The following RPTN variants were observed in gnomAD, a reference collection of about 807,000 sequenced individuals.
The protein encoded by RPTN is intermediate filament-associated protein.
Under a neutral mutation model 3.6 loss-of-function variants are expected in RPTN, and 4 were observed. The observed-to-expected ratio is 1.12, with a 90% CI of 0.55 to 2.55. RPTN has a LOEUF of 2.55. RPTN is among the 30% of genes most tolerant of loss of function. The probability of loss-of-function intolerance (pLI) is 0.02; values close to 1 mark genes in which losing one functional copy is unlikely to be tolerated. For missense variants in RPTN, 860 were observed against 916.7 expected (o/e 0.94, Z 0.80); for synonymous variants, 293 against 319.3 (o/e 0.92, Z 0.88).
chr1:152,157,440 G>T (rs1373825861), intron 2 of RPTN, among the ~76,000 whole-genome samples: 4 of 152,262 alleles, frequency 2.6e-5, no homozygotes, highest in Admixed American at 2.6e-4. Flanking sequence ...TACATTAAAA[G>T]ATGTGTGGAT....
At position 152,153,885 on chromosome 1, in the gene RPTN, T is replaced by G. The variant is rs1413254763; in HGVS notation, c.*859A>C. 6.6e-6 allele frequency: 1 copy of G among 152,638 alleles called. No homozygotes were observed. Among genetic ancestry groups the G allele is most frequent in the Non-Finnish European group, 1.5e-5 (1 of 68,054 alleles). 9.5% of individuals were successfully genotyped at this position (152,638 alleles called of 1,614,324 possible). ...TGTAGTAAACATCAGAGATGCACTC[T>G]ATGTTCTCGGCTCTTGTAGCAGCCT... On this transcript the variant is annotated 3_prime_UTR_variant, in exon 3 of 3. Coordinates refer to ENST00000316073, the MANE Select transcript of RPTN (RefSeq NM_001122965.1).
chr1:152,155,110 T>C lies in RPTN; in HGVS notation c.1989A>G (p.Leu663=), dbSNP rs1420698845. ...EDSQHHQHKL[L]AQIQQERPLC... The stretch of plus-strand genomic sequence containing the variant: ...GTGGTCTTTCTTGTTGGATTTGTGC[T>C]AAGAGTTTGTGTTGGTGATGTTGGC... Residue 663 remains leucine, a synonymous_variant, in exon 3 of 3, where the codon TTA becomes TTG. Coordinates refer to ENST00000316073, the MANE Select transcript of RPTN (RefSeq NM_001122965.1). 6.2e-7 allele frequency: 1 copy of C among 1,614,174 alleles called. No individual in the cohort carries two copies. The highest frequency in any genetic ancestry group is 1.1e-5 in the South Asian group (1 of 91,080).
rs1422499101 is a variant in RPTN, at chr1:152,156,244, C to T, written c.855G>A (p.Gln285=). Reference sequence around the variant, plus strand: ...GGGAACTCTGGCCTTGTCTGTCTGTCTGACCACAGCCTAATTCCTGACCTA... The same window carrying T: ...GGGAACTCTGGCCTTGTCTGTCTGTTTGACCACAGCCTAATTCCTGACCTA... ...ERLGQELGCG[Q]TDRQGQSSHY... is the part of the protein sequence containing the mutation. The change falls in exon 3 of 3, where the codon CAG becomes CAA. Residue 285 remains glutamine, a synonymous_variant. Coordinates refer to ENST00000316073, the MANE Select transcript of RPTN (RefSeq NM_001122965.1). The T allele has an allele frequency of 1.9e-6, 3 of 1,614,242 alleles. No individual in the cohort carries two copies. In the South Asian group the frequency reaches 3.3e-5, roughly 18 times the overall value.
rs778667714 is a variant in RPTN, at chr1:152,155,927, T to C, written c.1172A>G (p.Tyr391Cys). The C allele has an allele frequency of 1.9e-6, 3 of 1,613,862 alleles. No homozygotes were observed. The South Asian group carries it at 3.3e-5, about 18-fold the overall frequency. The change falls in exon 3 of 3, where the codon TAT (tyrosine) becomes TGT (cysteine). Residue 391 changes from tyrosine to cysteine, a missense_variant. By Grantham distance (194) the Tyr-to-Cys change is radical. Coordinates refer to ENST00000316073, the MANE Select transcript of RPTN (RefSeq NM_001122965.1). ...QPDTQDQSSH[Y>C]GQTDRQDQSS... ...TTGGTCTTGTCTGTCTGTCTGACCA[T>C]AGTGAGAACTCTGATCTTGTGTGTC... is the stretch of plus-strand genomic sequence containing the variant.
intron 1 of RPTN, among the ~76,000 whole-genome samples, chr1:152,158,691 C>G (rs954114751): frequency 3.9e-5 from 6 of 152,016 alleles, no homozygotes; most frequent in Admixed American, 1.3e-4. Context: ...TTATAGGCCT[C>G]CAAACTGAAG....
intron 2 of RPTN, 73 bp downstream of exon 2, chr1:152,157,679 G>T: frequency 6.5e-7 from 1 of 1,539,636 alleles, no homozygotes; most frequent in Non-Finnish European, 8.9e-7. Context: ...ATAAAACAAA[G>T]CATCCAACCC....
Position 152,154,577 on chromosome 1 carries a change from T to G in RPTN, c.*167A>C. ...TTCAGTGTGTCTTTTCTGTGAGCCT[T>G]GGCTCTGGTCATCCTCTTTCATGTG... On this transcript the variant is annotated 3_prime_UTR_variant, in exon 3 of 3. Coordinates refer to ENST00000316073, the MANE Select transcript of RPTN (RefSeq NM_001122965.1). 1 of 965,428 alleles carries G rather than the reference T, an allele frequency of 1.0e-6. No homozygotes were observed. 59.8% of individuals were successfully genotyped at this position (965,428 alleles called of 1,614,324 possible).
At position 152,155,625 on chromosome 1, in the gene RPTN, T is replaced by C. The variant is rs777880890; in HGVS notation, c.1474A>G (p.Arg492Gly). The change falls in exon 3 of 3, where the codon AGA becomes GGA. Residue 492 changes from arginine to glycine, a missense_variant. Arg to Gly is a moderately radical substitution (Grantham distance 125). Coordinates refer to ENST00000316073, the MANE Select transcript of RPTN (RefSeq NM_001122965.1). ...GQSSHYGKID[R>G]QDQSYHYGQP... The stretch of plus-strand genomic sequence containing the variant: ...CCATAATGATAACTCTGGTCTTGTC[T>C]GTCTATCTTACCATAGTGGGAACTC... 27 of 1,597,148 alleles carry C rather than the reference T, an allele frequency of 1.7e-5. No individual in the cohort carries two copies. The highest frequency in any genetic ancestry group is 2.3e-5 in the Non-Finnish European group (27 of 1,167,550).
intron 1 of RPTN, 28 bp from the exon 2 acceptor site, chr1:152,157,937 C>T (rs1249954716): frequency 1.9e-6 from 3 of 1,601,414 alleles, no homozygotes; most frequent in Admixed American, 1.7e-5. Flanking sequence ...ATTTCTCCTG[C>T]CGTTAGGATA....
intron 1 of RPTN, 38 bp from the exon 2 acceptor site, chr1:152,157,947 A>T: frequency 6.4e-7 from 1 of 1,573,372 alleles, no homozygotes; most frequent in Middle Eastern, 1.7e-4. Context: ...CCGTTAGGAT[A>T]ATGACCACGA....
At chr1:152,157,558 GGTGTGTGTGTGTGTGT>G (rs58634415) in intron 2 of RPTN, among the ~76,000 whole-genome samples, 178 bp downstream of exon 2, 44 of 139,644 alleles carry the variant, frequency 3.2e-4, no homozygotes, top group African/African-American at 7.4e-4. Flanking sequence ...GATACAAGGA[GGTGTGTGTGTGTGTGT>G]GTGTGTGTGT....
In RPTN at chr1:152,156,471, C is replaced by T; in HGVS notation, c.628G>A (p.Val210Met). Residue 210 changes from valine to methionine, a missense_variant, in exon 3 of 3, where the codon GTG becomes ATG. Val to Met is a conservative substitution (Grantham distance 21). Transcript: ENST00000316073. ...TGGCCACTGGTAGATTTGTGACTCA[C>T]TTTTTTACCAGAGCTGGAGTCTTGA... ...QSQDSSSGKK[V>M]SHKSTSGQAK... 6.2e-7 allele frequency: 1 copy of T among 1,614,244 alleles called. No individual in the cohort carries two copies. The highest frequency in any genetic ancestry group is 8.5e-7 in the Non-Finnish European group (1 of 1,180,036).
At position 152,156,042 on chromosome 1, in the gene RPTN, A is replaced by G; in HGVS notation, c.1057T>C (p.Tyr353His). ...TGTCTGTTTGTCTGATCATAATGAT[A>G]ACACTGGCCTTTTCTGTCCATTTGA... ...YGQMDRKGQCYHYDQTNRQGQ... is the reference protein window; with the variant it reads ...YGQMDRKGQCHHYDQTNRQGQ... Residue 353 changes from tyrosine (Y) to histidine (H), a missense_variant, in exon 3 of 3, where the codon TAT becomes CAT. Transcript: ENST00000316073. The G allele has an allele frequency of 1.9e-6, 3 of 1,613,218 alleles. No homozygotes were observed. The highest frequency in any genetic ancestry group is 1.3e-5 in the African/African-American group (1 of 74,406).
At position 152,156,544 on chromosome 1, in the gene RPTN, A is replaced by T. The variant is rs751901079; in HGVS notation, c.555T>A (p.Ser185=). Residue 185 remains serine (S), a synonymous_variant, in exon 3 of 3, where the codon TCT becomes TCA. Coordinates refer to ENST00000316073, the MANE Select transcript of RPTN (RefSeq NM_001122965.1). ...AGCTGAAATCCTTGTCTTGTCTCTC[A>T]GACTGATTGTGGTGAGAATCTCTGT... ...RQDRDSHHNQ[S]ERQDKDFSFD... 1 of 1,614,052 alleles carries T rather than the reference A, an allele frequency of 6.2e-7. No homozygotes were observed. The highest frequency in any genetic ancestry group is 1.1e-5 in the South Asian group (1 of 91,056).
intron 2 of RPTN, 58 bp downstream of exon 2, chr1:152,157,694 G>A: frequency 1.3e-6 from 2 of 1,589,866 alleles, no homozygotes; most frequent in Non-Finnish European, 8.6e-7. Flanking sequence ...CAACCCTGGT[G>A]CAGGTGTCAG....
chr1:152,154,457 T>G lies in RPTN; in HGVS notation c.*287A>C. 1.9e-6 allele frequency: 1 copy of G among 518,550 alleles called. No homozygotes were observed. The allele number at this position is 518,550 out of a possible 1,614,324, so 32.1% of individuals were successfully genotyped here. On this transcript the variant is annotated 3_prime_UTR_variant, in exon 3 of 3. Coordinates refer to ENST00000316073, the MANE Select transcript of RPTN (RefSeq NM_001122965.1). ...GGATTTCTGCTCTTGCACATAGTCA[T>G]AGGGGGGGTTGGGAACAGTAGCTCC...
chr1:152,156,881 T>C lies in RPTN; in HGVS notation c.218A>G (p.Glu73Gly). Residue 73 changes from glutamate to glycine, a missense_variant, in exon 3 of 3, where the codon GAG (glutamate) becomes GGG (glycine). Glu to Gly is a moderately conservative substitution (Grantham distance 98, BLOSUM62 -2). Transcript: ENST00000316073. ...QDRDGHIDFH[E>G]YLLLVFQLVQ... ...CAACTGGAACACCAACAAGAGGTAC[T>C]CATGAAAATCAATATGTCCATCTCG... 1 of 1,614,196 alleles carries C rather than the reference T, an allele frequency of 6.2e-7. No homozygotes were observed. Among genetic ancestry groups the C allele is most frequent in the African/African-American group, 1.3e-5 (1 of 75,058 alleles).
rs749305003 is a variant in RPTN, at chr1:152,155,827, A to G, written c.1272T>C (p.Gly424=). 6.2e-7 allele frequency: 1 copy of G among 1,606,526 alleles called. No individual in the cohort carries two copies. Among genetic ancestry groups the G allele is most frequent in the South Asian group, 1.1e-5 (1 of 90,392 alleles). ...HYSQMDRQGQ[G]SHYGQTDRQG... ...GTCTGTCTGTCTGACCGTAGTGAGAACCCTGGCCTTGTCGGTCCATCTGAC... is the reference window on the plus strand; with the variant it reads ...GTCTGTCTGTCTGACCGTAGTGAGAGCCCTGGCCTTGTCGGTCCATCTGAC... Residue 424 remains glycine (G), a synonymous_variant, in exon 3 of 3, where the codon GGT becomes GGC. Coordinates refer to ENST00000316073, the MANE Select transcript of RPTN (RefSeq NM_001122965.1).
intron 1 of RPTN, 74 bp from the exon 2 acceptor site, chr1:152,157,983 C>CTTT: frequency 7.8e-7 from 1 of 1,274,202 alleles, no homozygotes; most frequent in Non-Finnish European, 1.1e-6. Context: ...GGGAAAGTGA[C>CTTT]CCCTCTGGAT....
Sources: gnomAD v4.1 joint callset for allele counts (sites outside exome capture counted in the v4.1 genomes callset) on GRCh38, gnomAD v4.1.1 for gene constraint, MANE v1.5 for transcripts, NCBI Gene and HGNC (gene_info 2026-07-23, HGNC 2026-07-21) for gene names.